GPC5: variants seen among roughly 807,000 people sequenced by gnomAD.
GPC5 encodes the protein glypican-5.
In GPC5, 47 loss-of-function variants were observed where a neutral mutation model predicts 53.9. That is an observed-to-expected ratio of 0.87 (90% CI 0.69 to 1.11). The LOEUF (loss-of-function observed/expected upper bound fraction) is 1.11, where lower values mean the gene tolerates loss of function less well. Among genes scored for constraint, GPC5 ranks in the 50% most tolerant of loss-of-function variants. The probability of loss-of-function intolerance (pLI) is 0.00; values close to 1 mark genes in which losing one functional copy is unlikely to be tolerated. For synonymous variants in GPC5, 286 were observed against 263.3 expected (o/e 1.09, Z -0.84); for missense variants, 748 against 713.1 (o/e 1.05, Z -0.56).
Position 92,558,424 on chromosome 13 carries a change from A to T in GPC5, c.1562-307858A>T, listed in dbSNP as rs1272445041. 2.0e-5 allele frequency among the ~76,000 whole-genome samples: 3 copies of T among 152,204 alleles called. No individual in the cohort carries two copies. In the East Asian group the frequency reaches 5.8e-4, roughly 30 times the overall value. On this transcript the variant is annotated intron_variant, in intron 7 of 7. Coordinates refer to ENST00000377067, the MANE Select transcript of GPC5 (RefSeq NM_004466.6). ...AAAAAGTTACACAAAAGTGCACATA[A>T]TTGCATAAAATATTAACCAATGCCA...
intron 2 of GPC5, among the ~76,000 whole-genome samples, chr13:91,510,574 T>C (rs1444559861): frequency 6.6e-6 from 1 of 152,220 alleles, no homozygotes; most frequent in Non-Finnish European, 1.5e-5. Flanking sequence ...TTGATAGTCT[T>C]GCTGAATACA....
intron 7 of GPC5, among the ~76,000 whole-genome samples, chr13:92,145,947 G>T (rs1483232979): frequency 6.6e-6 from 1 of 152,054 alleles, no homozygotes; most frequent in Non-Finnish European, 1.5e-5. Flanking sequence ...CACGATAAAT[G>T]CTTCCAAAAT....
chr13:92,276,491 A>C (rs2042876783), intron 7 of GPC5, among the ~76,000 whole-genome samples: 1 of 152,126 alleles, frequency 6.6e-6, no homozygotes, highest in Admixed American at 6.6e-5. Flanking sequence ...GATTCAAAAA[A>C]CACAATATTT....
At chr13:92,421,789 G>A (rs7990604) in intron 7 of GPC5, among the ~76,000 whole-genome samples, 46,223 of 151,200 alleles carry the variant, frequency 0.31, 7,998 homozygotes, top group East Asian at 0.61. Context: ...ACTCATAGTG[G>A]AAGGCAAAGC....
intron 7 of GPC5, among the ~76,000 whole-genome samples, chr13:92,734,292 T>A (rs1888881982): frequency 6.6e-6 from 1 of 151,854 alleles, no homozygotes; most frequent in African/African-American, 2.4e-5. Flanking sequence ...CCTGGGGATA[T>A]CCTCTGGTGC....
intron 2 of GPC5, among the ~76,000 whole-genome samples, chr13:91,567,634 G>T (rs2031593846): frequency 6.6e-6 from 1 of 152,116 alleles, no homozygotes; most frequent in Non-Finnish European, 1.5e-5. Flanking sequence ...AGTTAATTAG[G>T]ATACTGCCAG....
chr13:92,403,268 T>C (rs1670341698), intron 7 of GPC5, among the ~76,000 whole-genome samples: 1 of 152,192 alleles, frequency 6.6e-6, no homozygotes, highest in South Asian at 2.1e-4. Flanking sequence ...CATATGTAGT[T>C]TTTCAAACTA....
At chr13:92,434,851 A>T (rs1260371905) in intron 7 of GPC5, among the ~76,000 whole-genome samples, 1 of 152,220 alleles carries the variant, frequency 6.6e-6, no homozygotes, top group African/African-American at 2.4e-5. Flanking sequence ...CAAGGAGACC[A>T]TCTATTCACT....
intron 7 of GPC5, among the ~76,000 whole-genome samples, chr13:92,411,655 T>G (rs1032825619): frequency 1.3e-5 from 2 of 152,184 alleles, no homozygotes; most frequent in Non-Finnish European, 2.9e-5. Flanking sequence ...ATTTTAATAG[T>G]GTTAGTTTTT....
At chr13:92,611,718 T>A (rs141436691) in intron 7 of GPC5, among the ~76,000 whole-genome samples, 17 of 152,254 alleles carry the variant, frequency 1.1e-4, no homozygotes, top group African/African-American at 3.8e-4. Flanking sequence ...ACATTTTAAT[T>A]GTTATTAAAA....
rs188905751 is a variant in GPC5, at chr13:92,345,117, T to C, written c.1561+200128T>C. The stretch of plus-strand genomic sequence containing the variant: ...AGTAATATTAAAAGTGCATGAGGAG[T>C]TACCAGAATAATTATGATCCATGAA... On this transcript the variant is annotated intron_variant, in intron 7 of 7. Coordinates refer to ENST00000377067, the MANE Select transcript of GPC5 (RefSeq NM_004466.6). 1.4e-3 allele frequency among the ~76,000 whole-genome samples: 211 copies of C among 151,836 alleles called. 2 individuals carry two copies. The highest frequency in any genetic ancestry group is 1.6e-4 in the Non-Finnish European group (11 of 67,920).
At chr13:92,630,530 ACT>A (rs1885202199) in intron 7 of GPC5, among the ~76,000 whole-genome samples, 1 of 152,082 alleles carries the variant, frequency 6.6e-6, no homozygotes, top group Non-Finnish European at 1.5e-5. Flanking sequence ...ATAAATGAAA[ACT>A]CTATAAAAGA....
At chr13:92,370,282 AT>A (rs1406999076) in intron 7 of GPC5, among the ~76,000 whole-genome samples, 1 of 152,208 alleles carries the variant, frequency 6.6e-6, no homozygotes, top group Non-Finnish European at 1.5e-5. Context: ...GGATTGCATT[AT>A]TCACCTTCTG....
chr13:92,077,246 G>A (rs1247909352), intron 6 of GPC5, among the ~76,000 whole-genome samples: 2 of 152,184 alleles, frequency 1.3e-5, no homozygotes, highest in Non-Finnish European at 2.9e-5. Context: ...TGTGTCATGT[G>A]CCACGGTCAC....
chr13:92,042,352 G>A (rs962487357), intron 6 of GPC5, among the ~76,000 whole-genome samples: 1 of 152,088 alleles, frequency 6.6e-6, no homozygotes, highest in African/African-American at 2.4e-5. Flanking sequence ...TAGCACCAGG[G>A]CCTCCAAGAC....
chr13:91,844,214 G>A (rs1301692910), intron 5 of GPC5, among the ~76,000 whole-genome samples: 1 of 152,182 alleles, frequency 6.6e-6, no homozygotes, highest in Non-Finnish European at 1.5e-5. Flanking sequence ...TAAGGAAAAG[G>A]AGTGGTAATC....
At chr13:92,786,886 C>G (rs1431560576) in intron 7 of GPC5, among the ~76,000 whole-genome samples, 1 of 152,086 alleles carries the variant, frequency 6.6e-6, no homozygotes, top group African/African-American at 2.4e-5. Context: ...CCAGATACAC[C>G]GCATTCCAGC....
At chr13:91,862,020 C>G (rs929879307) in intron 5 of GPC5, among the ~76,000 whole-genome samples, 4 of 151,824 alleles carry the variant, frequency 2.6e-5, no homozygotes, top group African/African-American at 9.7e-5. Context: ...ATCATAAACC[C>G]CACAATAAAA....
At chr13:92,296,364 C>A (rs1013247970) in intron 7 of GPC5, among the ~76,000 whole-genome samples, 1 of 152,026 alleles carries the variant, frequency 6.6e-6, no homozygotes, top group Non-Finnish European at 1.5e-5. Context: ...TAGGGAAGGG[C>A]CACTGGGTGG....
Sources: allele counts gnomAD v4.1 joint callset (sites outside exome capture counted in the v4.1 genomes callset), GRCh38; gene constraint gnomAD v4.1.1; transcripts MANE v1.5; gene names NCBI Gene and HGNC (gene_info 2026-07-23, HGNC 2026-07-21).